SLIT3: variants seen among roughly 807,000 people sequenced by gnomAD.
The protein encoded by SLIT3 is slit homolog 3 protein.
In SLIT3, 68 loss-of-function variants were observed where a neutral mutation model predicts 184.0. The observed-to-expected ratio is 0.37, with a 90% CI of 0.30 to 0.45. The LOEUF (loss-of-function observed/expected upper bound fraction) is 0.45. SLIT3 is among the 20% of genes least tolerant of loss of function. The pLI is 1.00. For missense variants in SLIT3, 1,707 were observed against 2,026.0 expected, an observed-to-expected ratio of 0.84 and a Z score of 3.02; for synonymous variants, 831 against 828.6, an observed-to-expected ratio of 1.00 and a Z score of -0.05.
intron 4 of SLIT3, among the ~76,000 whole-genome samples, chr5:169,073,599 C>T (rs945077414): frequency 2.0e-5 from 3 of 151,804 alleles, no homozygotes; most frequent in Non-Finnish European, 2.9e-5. Context: ...TAGTGGGAGG[C>T]GTTTGGGTCA....
intron 6 of SLIT3, among the ~76,000 whole-genome samples, chr5:168,827,105 G>A (rs1334078040): frequency 6.6e-6 from 1 of 152,166 alleles, no homozygotes; most frequent in Admixed American, 6.5e-5. Flanking sequence ...CCACGAGGCA[G>A]GGACTTTTAA....
intron 35 of SLIT3, among the ~76,000 whole-genome samples, chr5:168,669,426 G>C (rs1013640233): frequency 2.0e-5 from 3 of 152,198 alleles, no homozygotes; most frequent in Admixed American, 6.5e-5. Context: ...CTGCTGCCTT[G>C]GGTTAGCCTA....
intron 4 of SLIT3, among the ~76,000 whole-genome samples, chr5:169,044,317 T>C (rs1040727623): frequency 6.6e-5 from 10 of 152,136 alleles, no homozygotes; most frequent in African/African-American, 2.4e-4. Context: ...AAAACATACA[T>C]GCACACAGAA....
At chr5:168,966,847 A>G (rs1241812354) in intron 4 of SLIT3, among the ~76,000 whole-genome samples, 1 of 152,200 alleles carries the variant, frequency 6.6e-6, no homozygotes, top group African/African-American at 2.4e-5. Context: ...AGGTGCTCTC[A>G]TGCATTTCTG....
chr5:169,070,024 A>G (rs1039334782), intron 4 of SLIT3, among the ~76,000 whole-genome samples: 1 of 152,218 alleles, frequency 6.6e-6, no homozygotes, highest in Non-Finnish European at 1.5e-5. Context: ...CCCATGCACA[A>G]GGTGACAGCA....
intron 4 of SLIT3, among the ~76,000 whole-genome samples, chr5:169,114,647 G>C (rs752940967): frequency 1.3e-5 from 2 of 152,198 alleles, no homozygotes; most frequent in African/African-American, 2.4e-5. Flanking sequence ...GTGCAGGCTG[G>C]GAGGGCCATG....
intron 20 of SLIT3, among the ~76,000 whole-genome samples, chr5:168,733,746 A>G (rs1763351638): frequency 6.6e-6 from 1 of 152,002 alleles, no homozygotes; most frequent in Non-Finnish European, 1.5e-5. Flanking sequence ...GTATACCTAC[A>G]TAACAAACCT....
rs549015183 is a variant in SLIT3 at position 168,846,644 on chromosome 5, C to T, written c.486-1989G>A. 5.3e-5 allele frequency among the ~76,000 whole-genome samples: 8 copies of T among 152,250 alleles called. No individual in the cohort carries two copies. The South Asian group carries it at 1.0e-3, about 20-fold the overall frequency. The stretch of plus-strand genomic sequence containing the variant: ...TGAATTCGGCAAAAATGGCACCATC[C>T]GCCTAAGTAGAAAAGGATCTAAATC... On this transcript the variant is annotated intron_variant, in intron 5 of 35. Coordinates refer to ENST00000519560, the MANE Select transcript of SLIT3 (RefSeq NM_003062.4).
At chr5:169,255,264 C>G (rs537363511) in intron 1 of SLIT3, among the ~76,000 whole-genome samples, 1 of 152,316 alleles carries the variant, frequency 6.6e-6, no homozygotes, top group African/African-American at 2.4e-5. Flanking sequence ...GGTAAAACAG[C>G]TTCACGCATG....
chr5:168,926,066 G>A (rs907743316), intron 4 of SLIT3, among the ~76,000 whole-genome samples: 1 of 152,094 alleles, frequency 6.6e-6, no homozygotes, highest in African/African-American at 2.4e-5. Context: ...GCGGTGCCTC[G>A]GAATTCAGGA....
intron 5 of SLIT3, among the ~76,000 whole-genome samples, chr5:168,854,773 T>C (rs1010856606): frequency 2.8e-4 from 43 of 152,154 alleles, no homozygotes; most frequent in African/African-American, 9.4e-4. Context: ...AGTAACCAGA[T>C]TGTGTCGTAG....
chr5:169,262,701 T>C (rs957650519), intron 1 of SLIT3, among the ~76,000 whole-genome samples: 4 of 151,926 alleles, frequency 2.6e-5, no homozygotes, highest in Admixed American at 2.6e-4. Flanking sequence ...AAGAAGGGGG[T>C]TCTCATTACT....
intron 16 of SLIT3, 31 bp downstream of exon 16, chr5:168,760,831 G>C: frequency 6.5e-7 from 1 of 1,547,456 alleles, no homozygotes; most frequent in Non-Finnish European, 8.9e-7. Flanking sequence ...AGAGAACAGA[G>C]GCTGCTGCCA....
chr5:168,781,925 C>A (rs1249400591), intron 12 of SLIT3, among the ~76,000 whole-genome samples: 1 of 152,128 alleles, frequency 6.6e-6, no homozygotes, highest in Non-Finnish European at 1.5e-5. Context: ...TGGGCCTTTC[C>A]ACAACACCTT....
chr5:169,159,771 G>A (rs528131914), intron 4 of SLIT3, among the ~76,000 whole-genome samples: 43 of 152,202 alleles, frequency 2.8e-4, no homozygotes, highest in South Asian at 1.5e-3. Context: ...GCAAGACTCC[G>A]TCTCTTAAAC....
At chr5:168,970,005 C>A (rs1446332796) in intron 4 of SLIT3, among the ~76,000 whole-genome samples, 1 of 152,128 alleles carries the variant, frequency 6.6e-6, no homozygotes, top group Non-Finnish European at 1.5e-5. Flanking sequence ...CACGGTGAAA[C>A]CCCTTCTCTA....
chr5:169,216,794 T>G (rs990154470), intron 3 of SLIT3, among the ~76,000 whole-genome samples: 4 of 152,258 alleles, frequency 2.6e-5, no homozygotes, highest in Admixed American at 2.0e-4. Flanking sequence ...CTTTTCCGGA[T>G]GTGGGTCTTT....
intron 4 of SLIT3, among the ~76,000 whole-genome samples, chr5:169,192,771 T>C (rs1321840075): frequency 6.6e-6 from 1 of 152,228 alleles, no homozygotes; most frequent in Non-Finnish European, 1.5e-5. Flanking sequence ...ACTGCCAGCA[T>C]GATTTCAGGT....
At chr5:168,808,079 T>A (rs1757036458) in intron 8 of SLIT3, among the ~76,000 whole-genome samples, 1 of 152,030 alleles carries the variant, frequency 6.6e-6, no homozygotes. Flanking sequence ...GGCCTCATAG[T>A]GGGGATGTTT....
Sources: gnomAD v4.1 joint callset for allele counts (sites outside exome capture counted in the v4.1 genomes callset) on GRCh38, gnomAD v4.1.1 for gene constraint, MANE v1.5 for transcripts, NCBI Gene and HGNC (gene_info 2026-07-23, HGNC 2026-07-21) for gene names.